NCAM2: variants seen among roughly 807,000 people sequenced by gnomAD.
The protein encoded by NCAM2 is neural cell adhesion molecule 2.
NCAM2 carries 30 observed loss-of-function variants against 98.1 expected under a neutral mutation model. That is an observed-to-expected ratio of 0.31 (90% CI 0.23 to 0.41). The LOEUF is 0.41. Ranked by LOEUF, NCAM2 falls within the 10% of genes least tolerant of loss-of-function variation. The pLI is 1.00. For missense variants in NCAM2, 867 were observed against 1,005.8 expected (o/e 0.86, Z 1.87); for synonymous variants, 368 against 342.4 (o/e 1.07, Z -0.83).
intron 15 of NCAM2, among the ~76,000 whole-genome samples, chr21:21,494,798 T>C (rs924123159): frequency 6.6e-6 from 1 of 151,978 alleles, no homozygotes; most frequent in Non-Finnish European, 1.5e-5. Context: ...GGTTTACAGT[T>C]GTACCACATT....
intron 1 of NCAM2, among the ~76,000 whole-genome samples, chr21:21,195,502 A>C (rs948038758): frequency 2.0e-5 from 3 of 152,188 alleles, no homozygotes; most frequent in Non-Finnish European, 2.9e-5. Flanking sequence ...TTTTGCTTCT[A>C]TTATGACATG....
At chr21:21,428,797 C>T (rs901868994) in intron 11 of NCAM2, among the ~76,000 whole-genome samples, 3 of 152,212 alleles carry the variant, frequency 2.0e-5, no homozygotes, top group African/African-American at 7.2e-5. Context: ...ATTCTAGGCA[C>T]ATCTGACACT....
intron 1 of NCAM2, among the ~76,000 whole-genome samples, chr21:21,144,134 G>C (rs1486238173): frequency 6.6e-6 from 1 of 151,996 alleles, no homozygotes; most frequent in Non-Finnish European, 1.5e-5. Flanking sequence ...CGGATCATGA[G>C]GTCAGGAAAT....
chr21:21,523,607 A>G (rs1021509096), intron 16 of NCAM2, among the ~76,000 whole-genome samples: 72 of 152,174 alleles, frequency 4.7e-4, no homozygotes, highest in African/African-American at 1.7e-3. Context: ...TATACTACGT[A>G]TAAGATAAAT....
intron 1 of NCAM2, among the ~76,000 whole-genome samples, chr21:21,194,211 T>C (rs918892306): frequency 6.6e-6 from 1 of 152,198 alleles, no homozygotes; most frequent in African/African-American, 2.4e-5. Context: ...TTATTAAAAC[T>C]GTAATTGCAA....
intron 1 of NCAM2, among the ~76,000 whole-genome samples, chr21:21,224,402 G>A (rs541286827): frequency 2.4e-4 from 36 of 152,206 alleles, no homozygotes; most frequent in African/African-American, 7.7e-4. Flanking sequence ...AAACAAATAC[G>A]TAGATACTAT....
chr21:21,338,196 T>TAA (rs2147873440), intron 7 of NCAM2, among the ~76,000 whole-genome samples, 193 bp from the exon 8 acceptor site: 1 of 152,234 alleles, frequency 6.6e-6, no homozygotes, highest in African/African-American at 2.4e-5. Context: ...AGATGAGTTT[T>TAA]ATTTCCTAAA....
chr21:21,509,666 AAAGT>A (rs1169564990), intron 16 of NCAM2, among the ~76,000 whole-genome samples: 1 of 152,208 alleles, frequency 6.6e-6, no homozygotes, highest in African/African-American at 2.4e-5. Flanking sequence ...AATTTTCAAG[AAAGT>A]ATGTAGATCG....
chr21:21,342,237 C>T (rs1240845003), intron 8 of NCAM2, among the ~76,000 whole-genome samples: 1 of 152,084 alleles, frequency 6.6e-6, no homozygotes, highest in Non-Finnish European at 1.5e-5. Context: ...AGTAAATGAC[C>T]CCATAATATA....
At chr21:21,248,420 CT>C (rs199963540) in intron 1 of NCAM2, among the ~76,000 whole-genome samples, 5 of 151,788 alleles carry the variant, frequency 3.3e-5, no homozygotes, top group African/African-American at 9.7e-5. Flanking sequence ...TTCCAATGTT[CT>C]TTTAAAAAAA....
intron 1 of NCAM2, among the ~76,000 whole-genome samples, chr21:21,198,537 A>G (rs1347425372): frequency 1.3e-5 from 2 of 152,206 alleles, no homozygotes; most frequent in Non-Finnish European, 2.9e-5. Context: ...TTCACTTAAT[A>G]AAATGAAGCA....
chr21:21,299,425 G>T (rs1482692879), intron 5 of NCAM2, among the ~76,000 whole-genome samples: 1 of 151,640 alleles, frequency 6.6e-6, no homozygotes, highest in Non-Finnish European at 1.5e-5. Context: ...ACATAAAAAT[G>T]AAATAACCAC....
rs897821290 is a variant in NCAM2 at position 21,401,441 on chromosome 21, C to G, written c.1196-8833C>G. ...TGTTGTCTAACTGAATCTTTGAATC[C>G]CTTGGCCAACATCTTTCTATTCCTC... On this transcript the variant is annotated intron_variant, in intron 9 of 17. Transcript: ENST00000400546. Among the ~76,000 whole-genome samples the G allele has an allele frequency of 3.3e-5, 5 of 152,030 alleles. 1 individual carries two copies. In the South Asian group the frequency reaches 1.0e-3, roughly 32 times the overall value.
intron 15 of NCAM2, among the ~76,000 whole-genome samples, chr21:21,504,319 T>G (rs529052067): frequency 6.6e-6 from 1 of 152,020 alleles, no homozygotes; most frequent in South Asian, 2.1e-4. Flanking sequence ...TTTTCCTACC[T>G]TATAAAGTTA....
At chr21:21,456,583 C>T (rs1982182383) in intron 12 of NCAM2, among the ~76,000 whole-genome samples, 1 of 152,016 alleles carries the variant, frequency 6.6e-6, no homozygotes, top group Admixed American at 6.6e-5. Context: ...GATCTTACAC[C>T]ATATGCAAAA....
intron 1 of NCAM2, among the ~76,000 whole-genome samples, chr21:21,175,703 T>C (rs2068263554): frequency 1.3e-5 from 2 of 152,230 alleles, no homozygotes; most frequent in Non-Finnish European, 1.5e-5. Context: ...GCTGATTCTG[T>C]ATTTTAGCTG....
intron 1 of NCAM2, among the ~76,000 whole-genome samples, chr21:21,092,655 G>A (rs981447440): frequency 3.2e-5 from 3 of 93,002 alleles, no homozygotes; most frequent in African/African-American, 8.5e-5. Flanking sequence ...AAAATATGAA[G>A]ACAAAGGAGT....
chr21:21,297,951 T>A (rs2073554435), intron 5 of NCAM2, among the ~76,000 whole-genome samples: 1 of 151,808 alleles, frequency 6.6e-6, no homozygotes, highest in Non-Finnish European at 1.5e-5. Flanking sequence ...AAACACCTAG[T>A]AATGCAATTG....
intron 1 of NCAM2, chr21:21,223,558 A>C (rs2070256864): frequency 6.6e-6 from 1 of 152,132 alleles, no homozygotes; most frequent in Non-Finnish European, 1.5e-5. Context: ...AATCGCCAAC[A>C]TAGAGAGTGC....
Sources: allele counts gnomAD v4.1 joint callset (sites outside exome capture counted in the v4.1 genomes callset), GRCh38; gene constraint gnomAD v4.1.1; transcripts MANE v1.5; gene names NCBI Gene and HGNC (gene_info 2026-07-23, HGNC 2026-07-21).